Variants in SPATS2 observed in about 807,000 individuals in gnomAD.
SPATS2 encodes spermatogenesis-associated serine-rich protein 2.
A neutral mutation model predicts 63.7 loss-of-function variants in SPATS2; 38 were observed. The observed-to-expected ratio is 0.60, with a 90% CI of 0.46 to 0.78. SPATS2 has a LOEUF of 0.78. Among genes scored for constraint, SPATS2 ranks in the 30% least tolerant of loss-of-function variants. SPATS2 has a pLI of 0.00. For missense variants in SPATS2, 588 were observed against 666.2 expected (o/e 0.88, Z 1.29); for synonymous variants, 207 against 232.9 (o/e 0.89, Z 1.01).
intron 2 of SPATS2, among the ~76,000 whole-genome samples, chr12:49,398,156 A>AAG (rs1555179686): frequency 6.3e-5 from 9 of 142,936 alleles, no homozygotes; most frequent in East Asian, 3.9e-4. Context: ...AAAAAAAAAA[A>AAG]AAAAGAAAAG....
chr12:49,452,155 C>A (rs1007768633), intron 2 of SPATS2, among the ~76,000 whole-genome samples: 2 of 152,142 alleles, frequency 1.3e-5, no homozygotes. Context: ...TAAAAAAAAT[C>A]AAGTTGCAAA....
chr12:49,493,590 A>G (rs755568277), intron 6 of SPATS2, among the ~76,000 whole-genome samples: 2 of 151,840 alleles, frequency 1.3e-5, no homozygotes, highest in Non-Finnish European at 2.9e-5. Flanking sequence ...TTTATTAGAG[A>G]TGGGGTTTCG....
chr12:49,501,121 T>C (rs1565753427), intron 9 of SPATS2, among the ~76,000 whole-genome samples: 1 of 152,160 alleles, frequency 6.6e-6, no homozygotes, highest in Admixed American at 6.5e-5. Context: ...CTGGCTCATT[T>C]TTTAATTTTT....
At chr12:49,383,104 G>A (rs1377936185) in intron 2 of SPATS2, among the ~76,000 whole-genome samples, 1 of 151,932 alleles carries the variant, frequency 6.6e-6, no homozygotes, top group East Asian at 1.9e-4. Flanking sequence ...TGCAGCCTCC[G>A]CCTCCCGGGT....
At chr12:49,415,648 C>T (rs1342244952) in intron 2 of SPATS2, among the ~76,000 whole-genome samples, 2 of 152,062 alleles carry the variant, frequency 1.3e-5, no homozygotes, top group Admixed American at 6.6e-5. Context: ...TCTGTGGTTA[C>T]CCAATAAAAT....
chr12:49,371,112 C>T (rs980914822), intron 1 of SPATS2, 116 bp from the exon 2 acceptor site: 2 of 152,238 alleles, frequency 1.3e-5, no homozygotes, highest in Non-Finnish European at 2.9e-5. Flanking sequence ...GCATTAAGTA[C>T]ATTCACATTG....
chr12:49,473,601 A>G (rs771642150), intron 3 of SPATS2, among the ~76,000 whole-genome samples: 1 of 152,240 alleles, frequency 6.6e-6, no homozygotes, highest in Non-Finnish European at 1.5e-5. Context: ...TTGTACAAGA[A>G]TATTGAAAAC....
intron 2 of SPATS2, among the ~76,000 whole-genome samples, chr12:49,441,082 C>G (rs2137551424): frequency 6.6e-6 from 1 of 152,262 alleles, no homozygotes; most frequent in South Asian, 2.1e-4. Context: ...TGTACAAGCA[C>G]TATTCTAAGT....
At position 49,513,351 on chromosome 12, in the gene SPATS2, T is replaced by C. The variant is rs1351472559; in HGVS notation, c.840-1204T>C. 2.0e-5 allele frequency among the ~76,000 whole-genome samples: 3 copies of C among 152,298 alleles called. No individual in the cohort carries two copies. The East Asian group carries it at 5.8e-4, about 29-fold the overall frequency. The stretch of plus-strand genomic sequence containing the variant: ...CCAAATTTGAAGAAAGTTGGAACAT[T>C]GCATGTTTGTGCAAGTATTAACATT... On this transcript the variant is annotated intron_variant, in intron 9 of 13. Coordinates refer to ENST00000552918, the MANE Select transcript of SPATS2 (RefSeq NM_023071.4).
chr12:49,516,375 G>A (rs1342574698), intron 10 of SPATS2, among the ~76,000 whole-genome samples: 1 of 145,580 alleles, frequency 6.9e-6, no homozygotes, highest in Non-Finnish European at 1.5e-5. Flanking sequence ...TAAAAAAAAA[G>A]AAGGTGCTTT....
At chr12:49,493,832 C>T (rs748871608) in intron 6 of SPATS2, among the ~76,000 whole-genome samples, 1 of 152,122 alleles carries the variant, frequency 6.6e-6, no homozygotes, top group Non-Finnish European at 1.5e-5. Context: ...TAAATAAGAC[C>T]ATTCTCCTCT....
chr12:49,377,098 A>G (rs892517235), intron 2 of SPATS2, among the ~76,000 whole-genome samples: 2 of 152,100 alleles, frequency 1.3e-5, no homozygotes, highest in Non-Finnish European at 2.9e-5. Flanking sequence ...CACTGAATAC[A>G]CTAGGTTTGT....
intron 2 of SPATS2, among the ~76,000 whole-genome samples, chr12:49,437,635 C>G (rs1443608099): frequency 6.6e-6 from 1 of 152,142 alleles, no homozygotes; most frequent in African/African-American, 2.4e-5. Flanking sequence ...GAGACCAGCC[C>G]GGCCAACACA....
intron 2 of SPATS2, among the ~76,000 whole-genome samples, chr12:49,416,084 T>G (rs1944884285): frequency 6.6e-6 from 1 of 152,080 alleles, no homozygotes; most frequent in Admixed American, 6.6e-5. Flanking sequence ...TCTGTTTTGG[T>G]TATCTATTGC....
intron 4 of SPATS2, among the ~76,000 whole-genome samples, chr12:49,488,233 C>T (rs958673774): frequency 2.0e-5 from 3 of 151,918 alleles, no homozygotes; most frequent in Non-Finnish European, 2.9e-5. Context: ...TCAGTAGAGA[C>T]GGCGTTTTTC....
chr12:49,388,595 T>TG (rs1386563543), intron 2 of SPATS2, among the ~76,000 whole-genome samples: 3 of 151,990 alleles, frequency 2.0e-5, no homozygotes, highest in Non-Finnish European at 4.4e-5. Context: ...AGGCTGGTCT[T>TG]GAACTTCTGG....
chr12:49,522,965 A>G, intron 12 of SPATS2, 112 bp downstream of exon 12: 1 of 853,876 alleles, frequency 1.2e-6, no homozygotes, highest in Non-Finnish European at 1.8e-6. Flanking sequence ...TTGCTTGTTT[A>G]TATGAAAACT....
chr12:49,504,875 A>G (rs968549547), intron 9 of SPATS2, among the ~76,000 whole-genome samples: 1 of 144,418 alleles, frequency 6.9e-6, no homozygotes, highest in African/African-American at 2.6e-5. Flanking sequence ...GGATCCTCCC[A>G]CCTCAGCCTC....
At chr12:49,474,920 C>G (rs897518779) in intron 3 of SPATS2, among the ~76,000 whole-genome samples, 1 of 152,210 alleles carries the variant, frequency 6.6e-6, no homozygotes, top group Non-Finnish European at 1.5e-5. Context: ...AGGAGCAAGT[C>G]ACATCTTAAT....
Sources: allele counts gnomAD v4.1 joint callset (sites outside exome capture counted in the v4.1 genomes callset), GRCh38; gene constraint gnomAD v4.1.1; transcripts MANE v1.5; gene names NCBI Gene and HGNC (gene_info 2026-07-23, HGNC 2026-07-21).